ARHGEF18: variants seen among roughly 807,000 people sequenced by gnomAD.
ARHGEF18 encodes the protein Rho/Rac guanine nucleotide exchange factor 18, also known as rho guanine nucleotide exchange factor 18.
ARHGEF18 carries 93 observed loss-of-function variants against 155.7 expected under a neutral mutation model. The observed-to-expected ratio is 0.60, with a 90% CI of 0.50 to 0.71. The LOEUF (loss-of-function observed/expected upper bound fraction) is 0.71, where lower values mean the gene tolerates loss of function less well. ARHGEF18 is among the 30% of genes least tolerant of loss of function. The probability of loss-of-function intolerance (pLI) is 0.00; values close to 1 mark genes in which losing one functional copy is unlikely to be tolerated. For synonymous variants in ARHGEF18, 742 were observed against 753.1 expected, an observed-to-expected ratio of 0.99 and a Z score of 0.24; for missense variants, 1,593 against 1,816.1, an observed-to-expected ratio of 0.88 and a Z score of 2.23.
chr19:7,421,453 G>T (rs887757374), intron 10 of ARHGEF18, among the ~76,000 whole-genome samples: 4 of 152,062 alleles, frequency 2.6e-5, no homozygotes, highest in African/African-American at 9.7e-5. Context: ...CACATGGACT[G>T]CTCCCAAATA....
At chr19:7,367,814 T>A (rs1446238823) in intron 2 of ARHGEF18, among the ~76,000 whole-genome samples, 1 of 123,866 alleles carries the variant, frequency 8.1e-6, no homozygotes, top group Non-Finnish European at 1.6e-5. Context: ...ATATATATAT[T>A]TTATATATAT....
rs1970610518 is a variant in ARHGEF18, at chr19:7,379,245, G to A, written c.644+79G>A. 4.3e-6 allele frequency: 5 copies of A among 1,176,192 alleles called. No homozygotes were observed. In the Admixed American group the frequency reaches 1.3e-4, roughly 30 times the overall value. The allele number at this position is 1,176,192 out of a possible 1,614,324, so 72.9% of individuals were successfully genotyped here. ...GAAGCATGCAGGGGTGTGCACAGGT[G>A]TAGGAGACAGGGGTAGAGAAGACTG... On this transcript the variant is annotated intron_variant, in intron 7 of 28. Coordinates refer to ENST00000668164, the MANE Select transcript of ARHGEF18 (RefSeq NM_001367823.1).
At position 7,440,604 on chromosome 19, in the gene ARHGEF18, G is replaced by C; in HGVS notation, c.1106+122G>C. On this transcript the variant is annotated intron_variant, in intron 11 of 28. Transcript: ENST00000668164. This position sits in a 1 kb window ranked among gnomAD's most constrained non-coding sequence, Gnocchi z 5.4. Reference sequence around the variant, plus strand: ...TGTGAATCCACACGGCAGCCCCCGTGCTAAGCAGAGAAATTCCCATTAACG... The same window carrying C: ...TGTGAATCCACACGGCAGCCCCCGTCCTAAGCAGAGAAATTCCCATTAACG... 4.7e-6 allele frequency: 6 copies of C among 1,274,270 alleles called. No individual in the cohort carries two copies. The highest frequency in any genetic ancestry group is 5.3e-6 in the Non-Finnish European group (5 of 949,610). The allele number at this position is 1,274,270 out of a possible 1,614,324, so 78.9% of individuals were successfully genotyped here. A position where few individuals can be genotyped will look rare whatever the true frequency, so the allele number is the denominator to read the frequency against.
At chr19:7,446,298 G>A (rs1974984971) in intron 14 of ARHGEF18, among the ~76,000 whole-genome samples, 1 of 151,978 alleles carries the variant, frequency 6.6e-6, no homozygotes, top group African/African-American at 2.4e-5. Flanking sequence ...CTCAGACCCG[G>A]AAGGCAGAGG....
chr19:7,478,948 G>A, the ARHGEF18 span, among the ~76,000 whole-genome samples: 15 of 152,236 alleles, frequency 9.9e-5, no homozygotes, highest in Admixed American at 3.3e-4. Flanking sequence ...CTCCCAGCAG[G>A]CTCTGCAGCC....
chr19:7,439,287 C>G (rs1039948659), intron 10 of ARHGEF18, among the ~76,000 whole-genome samples: 6 of 150,982 alleles, frequency 4.0e-5, no homozygotes, highest in Non-Finnish European at 8.8e-5. Context: ...GAGACCCCCC[C>G]CCAACCTCTA....
At chr19:7,397,680 C>T (rs1971794488) in intron 10 of ARHGEF18, among the ~76,000 whole-genome samples, 1 of 151,986 alleles carries the variant, frequency 6.6e-6, no homozygotes, top group Non-Finnish European at 1.5e-5. Flanking sequence ...TTGCAGTGAG[C>T]CGAGATCGTG....
chr19:7,413,207 G>C (rs1188813369), intron 10 of ARHGEF18, among the ~76,000 whole-genome samples: 1 of 152,100 alleles, frequency 6.6e-6, no homozygotes, highest in African/African-American at 2.4e-5. Context: ...CAAGGCAGGA[G>C]GATCGATTGA....
At chr19:7,374,182 C>T (rs370075621) in intron 3 of ARHGEF18, among the ~76,000 whole-genome samples, 54 of 152,252 alleles carry the variant, frequency 3.5e-4, no homozygotes, top group African/African-American at 1.2e-3. Flanking sequence ...CCTGCGCTCA[C>T]CTTCTGCTTT....
In ARHGEF18 at chr19:7,462,404, G is replaced by A; in HGVS notation, c.2635+70G>A. 1 of 1,458,210 alleles carries A rather than the reference G, an allele frequency of 6.9e-7. No homozygotes were observed. The highest frequency in any genetic ancestry group is 2.4e-5 in the East Asian group (1 of 40,928). 90.3% of individuals were successfully genotyped at this position (1,458,210 alleles called of 1,614,324 possible). On this transcript the variant is annotated intron_variant, in intron 21 of 28. Coordinates refer to ENST00000668164, the MANE Select transcript of ARHGEF18 (RefSeq NM_001367823.1). This position sits in a 1 kb window ranked among gnomAD's most constrained non-coding sequence, Gnocchi z 4.4. Reference sequence around the variant, plus strand: ...GGGCTCCTCAGGGAACCCCAGGCCAGGCTCACGGCTCATTGTGGCCGACAC... The same window carrying A: ...GGGCTCCTCAGGGAACCCCAGGCCAAGCTCACGGCTCATTGTGGCCGACAC...
In ARHGEF18 at chr19:7,440,326, T is replaced by C. The variant is rs375956829; in HGVS notation, c.968-18T>C. ...ACCCACTTTCTCAGCACCAACTCTG[T>C]CCTTGCCTCTGTCACAGCCTCGCTC... On this transcript the variant is annotated intron_variant, in intron 10 of 28. Transcript: ENST00000668164. This position sits in a 1 kb window ranked among gnomAD's most constrained non-coding sequence, Gnocchi z 5.4. The C allele has an allele frequency of 5.7e-5, 91 of 1,610,084 alleles. 1 individual carries two copies. The highest frequency in any genetic ancestry group is 7.4e-5 in the Non-Finnish European group (87 of 1,178,394).
At position 7,379,315 on chromosome 19, in the gene ARHGEF18, T is replaced by C. The variant is rs957724763; in HGVS notation, c.644+149T>C. 1.3e-5 allele frequency: 9 copies of C among 687,350 alleles called. No homozygotes were observed. The African/African-American group carries it at 1.5e-4, about 12-fold the overall frequency. 42.6% of individuals were successfully genotyped at this position (687,350 alleles called of 1,614,324 possible). A position where few individuals can be genotyped will look rare whatever the true frequency, so the allele number is the denominator to read the frequency against. ...GGCTCACGCCTGTAATCCCAGCACT[T>C]TGGGAGGCTGAGGCAGGCAGATCAC... On this transcript the variant is annotated intron_variant, in intron 7 of 28. Transcript: ENST00000668164.
At chr19:7,381,826 T>TCTCTCCCTCCTTTCCTCCCTCC (rs1371985745) in intron 8 of ARHGEF18, among the ~76,000 whole-genome samples, 5 of 152,114 alleles carry the variant, frequency 3.3e-5, no homozygotes, top group Non-Finnish European at 7.4e-5. Context: ...TGAATCCCTC[T>TCTCTCCCTCCTTTCCTCCCTCC]CTCTCCCTCC....
At chr19:7,384,279 C>T (rs1970884562) in intron 10 of ARHGEF18, among the ~76,000 whole-genome samples, 1 of 152,144 alleles carries the variant, frequency 6.6e-6, no homozygotes, top group Admixed American at 6.6e-5. Flanking sequence ...CCACCTCCTG[C>T]CTCCAGTTGC....
intron 10 of ARHGEF18, among the ~76,000 whole-genome samples, chr19:7,410,718 G>A (rs187273425): frequency 2.1e-5 from 3 of 143,202 alleles, no homozygotes; most frequent in South Asian, 2.2e-4. Context: ...GCTGAGGCAC[G>A]AGAATCGCTT....
chr19:7,447,207 C>A, intron 15 of ARHGEF18, 39 bp downstream of exon 15: 1 of 1,550,520 alleles, frequency 6.4e-7, no homozygotes, highest in South Asian at 1.2e-5. Context: ...AACTTATATT[C>A]TGGCCGGGCG....
At chr19:7,389,527 CTTA>C (rs1476138826) in intron 10 of ARHGEF18, among the ~76,000 whole-genome samples, 2 of 135,048 alleles carry the variant, frequency 1.5e-5, no homozygotes, top group Non-Finnish European at 3.1e-5. Flanking sequence ...TTCTTTCTTT[CTTA>C]TTTACTTATT....
intron 10 of ARHGEF18, among the ~76,000 whole-genome samples, chr19:7,406,900 C>CAA (rs921116340): frequency 6.9e-6 from 1 of 144,638 alleles, no homozygotes; most frequent in African/African-American, 2.5e-5. Flanking sequence ...TAAAAAAAAA[C>CAA]AAAAAAAAAC....
rs922135452 is a variant in ARHGEF18 at position 7,469,969 on chromosome 19, C to A, written c.3853C>A (p.Arg1285=). 6 of 1,612,980 alleles carry A rather than the reference C, an allele frequency of 3.7e-6. No individual in the cohort carries two copies. The highest frequency in any genetic ancestry group is 5.1e-6 in the Non-Finnish European group (6 of 1,179,908). Residue 1285 remains arginine, a synonymous_variant, in exon 28 of 29, where the codon CGG becomes AGG. Transcript: ENST00000668164. ...CATGGGGAAAGATGAGAGCACCTCA[C>A]GGAACCGCCGCTCGCTGAGCCCTAT... The part of the protein sequence containing the change: ...KLMGKDESTS[R]NRRSLSPILP...
Sources: allele counts gnomAD v4.1 joint callset (sites outside exome capture counted in the v4.1 genomes callset), GRCh38; gene constraint gnomAD v4.1.1; non-coding constraint Gnocchi (gnomAD v3.1); transcripts MANE v1.5; gene names NCBI Gene and HGNC (gene_info 2026-07-23, HGNC 2026-07-21).